Variants in POP1 observed in about 807,000 individuals in gnomAD.
POP1 encodes the protein POP1 ribonuclease P/MRP subunit, also known as ribonucleases P/MRP protein subunit POP1.
A neutral mutation model predicts 102.2 loss-of-function variants in POP1; 75 were observed. The observed-to-expected ratio is 0.73, with a 90% confidence interval of 0.61 to 0.89. The LOEUF (loss-of-function observed/expected upper bound fraction) is 0.89. POP1 is among the 40% of genes least tolerant of loss of function. POP1 has a pLI of 0.00. For synonymous variants in POP1, 436 were observed against 464.1 expected, an observed-to-expected ratio of 0.94 and a Z score of 0.78; for missense variants, 1,116 against 1,267.4, an observed-to-expected ratio of 0.88 and a Z score of 1.81.
intron 2 of POP1, among the ~76,000 whole-genome samples, chr8:98,126,882 C>A (rs1816221125): frequency 6.6e-6 from 1 of 152,074 alleles, no homozygotes. Flanking sequence ...TACGAATATT[C>A]CAAAATCCAA....
intron 11 of POP1, 39 bp from the exon 12 acceptor site, chr8:98,146,529 G>A (rs1164514008): frequency 7.0e-7 from 1 of 1,435,962 alleles, no homozygotes; most frequent in Non-Finnish European, 9.8e-7. Context: ...TCATTGATCT[G>A]AAGGATGTGG....
In POP1 at chr8:98,148,969, T is replaced by C; in HGVS notation, c.1865T>C (p.Leu622Pro). The change falls in exon 13 of 16, where the codon CTC becomes CCC. Residue 622 changes from leucine (L) to proline (P), a missense_variant. Leu to Pro is a moderately conservative substitution (Grantham distance 98). Coordinates refer to ENST00000401707, the MANE Select transcript of POP1 (RefSeq NM_001145860.2). ...TGGGGAAGTGGCTGGGATGTCCTAC[T>C]CCCAAAGGGCTGGGGCATGGCTTTC... ...LGWGSGWDVLLPKGWGMAFWI... is the reference protein window; with the variant it reads ...LGWGSGWDVLPPKGWGMAFWI... The C allele has an allele frequency of 6.2e-7, 1 of 1,613,642 alleles. No homozygotes were observed. The highest frequency in any genetic ancestry group is 8.5e-7 in the Non-Finnish European group (1 of 1,179,746).
intron 6 of POP1, 45 bp from the exon 7 acceptor site, chr8:98,134,427 G>A (rs1816471110): frequency 1.9e-6 from 3 of 1,596,216 alleles, no homozygotes; most frequent in African/African-American, 1.3e-5. Flanking sequence ...TAGGACTGCA[G>A]TCTCAACACC....
At chr8:98,137,750 T>C (rs563667274) in intron 9 of POP1, among the ~76,000 whole-genome samples, 1 of 152,360 alleles carries the variant, frequency 6.6e-6, no homozygotes, top group African/African-American at 2.4e-5. Flanking sequence ...ACTTGAATTG[T>C]GGCTAGAGTG....
intron 2 of POP1, among the ~76,000 whole-genome samples, chr8:98,126,792 TATG>T (rs1277294747): frequency 2.0e-5 from 3 of 152,210 alleles, no homozygotes; most frequent in Non-Finnish European, 4.4e-5. Flanking sequence ...TCAGGCTGTG[TATG>T]ATAAGGCGAA....
intron 5 of POP1, among the ~76,000 whole-genome samples, chr8:98,133,684 C>T (rs1816447930): frequency 6.6e-6 from 1 of 152,160 alleles, no homozygotes; most frequent in South Asian, 2.1e-4. Context: ...CCGTAACTTA[C>T]ATTTTAAATG....
chr8:98,146,834 G>GTACT (rs1816857369), intron 12 of POP1, 151 bp downstream of exon 12: 2 of 644,846 alleles, frequency 3.1e-6, no homozygotes, highest in Admixed American at 4.6e-5. Flanking sequence ...CTCATGATAT[G>GTACT]TACTGTGATT....
intron 9 of POP1, among the ~76,000 whole-genome samples, chr8:98,138,779 C>G (rs975357711): frequency 1.3e-5 from 2 of 151,638 alleles, no homozygotes; most frequent in African/African-American, 4.9e-5. Context: ...GTTCCAGAGC[C>G]TGTACTGTAA....
chr8:98,136,708 G>A lies in POP1; in HGVS notation c.1238G>A (p.Trp413Ter). 1 of 1,613,856 alleles carries A rather than the reference G, an allele frequency of 6.2e-7. No homozygotes were observed. Among genetic ancestry groups the A allele is most frequent in the South Asian group, 1.1e-5 (1 of 91,066 alleles). Reference sequence around the variant, plus strand: ...AGAGATCCATGTCTACCATACTCTTGGATCTCTCCAACCACAGGCATTATA... The same window carrying A: ...AGAGATCCATGTCTACCATACTCTTAGATCTCTCCAACCACAGGCATTATA... ...GTRDPCLPYSWISPTTGIIIS... is the reference protein window; with the variant it reads ...GTRDPCLPYS The change falls in exon 8 of 16, where the codon TGG becomes TAG. Residue 413 changes from tryptophan (W) to a stop codon, truncating the protein, a stop_gained. Transcript: ENST00000401707. LOFTEE classifies it high-confidence loss of function.
chr8:98,157,457 A>G (rs1032868569), intron 15 of POP1, among the ~76,000 whole-genome samples, 160 bp from the exon 16 acceptor site: 1 of 152,252 alleles, frequency 6.6e-6, no homozygotes, highest in Admixed American at 6.5e-5. Flanking sequence ...TATAAGTACT[A>G]AAATGTACTA....
At chr8:98,150,683 G>C in intron 14 of POP1, 44 bp downstream of exon 14, 1 of 1,586,122 alleles carries the variant, frequency 6.3e-7, no homozygotes, top group Non-Finnish European at 8.6e-7. Flanking sequence ...TTAAGGAAAA[G>C]AGAAGTGCCT....
rs768203888 is a variant in POP1 at position 98,156,285 on chromosome 8, C to T, written c.2293C>T (p.His765Tyr). Residue 765 changes from histidine (H) to tyrosine (Y), a missense_variant, in exon 15 of 16, where the codon CAC becomes TAC. Transcript: ENST00000401707. The stretch of plus-strand genomic sequence containing the variant: ...TGATGAAGTGGGCACATCCATAGAG[C>T]ACCCCAGGGAGGCAGAGGAGGTAAT... ...PSDEVGTSIEHPREAEEVMDA... is the reference protein window; with the variant it reads ...PSDEVGTSIEYPREAEEVMDA... 3.7e-6 allele frequency: 6 copies of T among 1,614,120 alleles called. No individual in the cohort carries two copies. The highest frequency in any genetic ancestry group is 1.1e-5 in the South Asian group (1 of 91,068).
rs138301299 is a variant in POP1 at position 98,157,903 on chromosome 8, C to G, written c.2707C>G (p.Pro903Ala). The change falls in exon 16 of 16, where the codon CCA becomes GCA. Residue 903 changes from proline (P) to alanine (A), a missense_variant. Transcript: ENST00000401707. ...GCCCCAGGAATCCAAACACAGTGAC[C>G]CATTCAGGAGCAAGATCCTGAAACA... ...CGPQESKHSDPFRSKILKQKE... is the reference protein window; with the variant it reads ...CGPQESKHSDAFRSKILKQKE... The G allele has an allele frequency of 3.1e-5, 50 of 1,614,188 alleles. No individual in the cohort carries two copies. In the African/African-American group the frequency reaches 6.7e-4, roughly 22 times the overall value.
At chr8:98,117,889 G>A (rs1815890173) in intron 1 of POP1, 1 of 152,192 alleles carries the variant, frequency 6.6e-6, no homozygotes, top group Admixed American at 6.5e-5. Flanking sequence ...TGTGTCAGAA[G>A]GGGTGGTACT....
intron 2 of POP1, among the ~76,000 whole-genome samples, chr8:98,126,287 C>T (rs1816203741): frequency 6.6e-6 from 1 of 152,114 alleles, no homozygotes; most frequent in African/African-American, 2.4e-5. Flanking sequence ...TAACAAAATA[C>T]AGGTTGAGCA....
chr8:98,131,149 G>A (rs1816368931), intron 5 of POP1, among the ~76,000 whole-genome samples: 1 of 152,234 alleles, frequency 6.6e-6, no homozygotes, highest in African/African-American at 2.4e-5. Context: ...ACCATTTTAA[G>A]TGTATAGTTC....
At chr8:98,118,568 A>G (rs6998439) in intron 1 of POP1, among the ~76,000 whole-genome samples, 46,847 of 151,876 alleles carry the variant, frequency 0.31, 8,005 homozygotes, top group South Asian at 0.4. Flanking sequence ...TGGGATTACA[A>G]GTGCACACCA....
intron 12 of POP1, among the ~76,000 whole-genome samples, chr8:98,147,982 T>C (rs1043520253): frequency 1.3e-5 from 2 of 152,144 alleles, no homozygotes; most frequent in South Asian, 2.1e-4. Flanking sequence ...TTCAGCTAGG[T>C]GAGGAATATA....
At chr8:98,129,220 A>G (rs954354938) in intron 4 of POP1, among the ~76,000 whole-genome samples, 8 of 152,180 alleles carry the variant, frequency 5.3e-5, no homozygotes, top group African/African-American at 1.4e-4. Flanking sequence ...AGCAATGTCA[A>G]TGCTTAGCAT....
Sources: gnomAD v4.1 joint callset for allele counts (sites outside exome capture counted in the v4.1 genomes callset) on GRCh38, gnomAD v4.1.1 for gene constraint, MANE v1.5 for transcripts, NCBI Gene and HGNC (gene_info 2026-07-23, HGNC 2026-07-21) for gene names.